The following RSRC1 variants were observed in gnomAD, a reference collection of about 807,000 sequenced individuals.
RSRC1 encodes arginine and serine rich coiled-coil 1.
Under a neutral mutation model 49.1 loss-of-function variants are expected in RSRC1, and 39 were observed. That is an observed-to-expected ratio of 0.79 (90% CI 0.61 to 1.04). The LOEUF (loss-of-function observed/expected upper bound fraction) is 1.04, where lower values mean the gene tolerates loss of function less well. Ranked by LOEUF, RSRC1 falls within the 50% of genes least tolerant of loss-of-function variation. The pLI, the probability that RSRC1 is intolerant of heterozygous loss-of-function variation, is 0.00. For synonymous variants in RSRC1, 143 were observed against 130.8 expected, an observed-to-expected ratio of 1.09 and a Z score of -0.63; for missense variants, 388 against 402.4, an observed-to-expected ratio of 0.96 and a Z score of 0.31.
At chr3:158,420,274 G>A (rs901221095) in intron 6 of RSRC1, among the ~76,000 whole-genome samples, 2 of 151,914 alleles carry the variant, frequency 1.3e-5, no homozygotes, top group Non-Finnish European at 2.9e-5. Flanking sequence ...GTTAAGTGTG[G>A]CACTCTTAAT....
rs75544109 is a variant in RSRC1 at position 158,521,439 on chromosome 3, A to G, written c.653-15653A>G. Among the ~76,000 whole-genome samples, 794 of 152,014 alleles carry G rather than the reference A, an allele frequency of 5.2e-3. 2 individuals carry two copies. Among genetic ancestry groups the G allele is most frequent in the African/African-American group, 0.018 (744 of 41,478 alleles). The stretch of plus-strand genomic sequence containing the variant: ...TAGTTCCTCATCCTCTGGATTTTTC[A>G]TTTGTCCAAGTTTTTCAATGTTGCA... On this transcript the variant is annotated intron_variant, in intron 7 of 9. Transcript: ENST00000611884.
At chr3:158,316,736 G>A (rs1488445609) in intron 5 of RSRC1, among the ~76,000 whole-genome samples, 1 of 152,082 alleles carries the variant, frequency 6.6e-6, no homozygotes, top group Non-Finnish European at 1.5e-5. Flanking sequence ...GAGCCAACGC[G>A]CCCGGCAGAA....
chr3:158,310,927 A>G (rs142753097), intron 5 of RSRC1, among the ~76,000 whole-genome samples: 17 of 151,852 alleles, frequency 1.1e-4, no homozygotes, highest in South Asian at 4.1e-4. Context: ...CATTCACTCA[A>G]TCACCTTTGT....
intron 6 of RSRC1, among the ~76,000 whole-genome samples, chr3:158,449,288 G>T (rs1392650631): frequency 4.0e-5 from 6 of 151,892 alleles, no homozygotes; most frequent in Admixed American, 3.9e-4. Flanking sequence ...TAGAATCTGA[G>T]TTAGGGAAGA....
rs199560844 is a variant in RSRC1, at chr3:158,299,365, G to A, written c.531+1290G>A. ...ATTTGTTTTTTTGAGATGGAGCCTC[G>A]CTCTTTCTCCCAGATTAGTGTGCAG... is the stretch of plus-strand genomic sequence containing the variant. On this transcript the variant is annotated intron_variant, in intron 5 of 9. Transcript: ENST00000611884. Among the ~76,000 whole-genome samples, 21 of 151,620 alleles carry A rather than the reference G, an allele frequency of 1.4e-4. No individual in the cohort carries two copies. In the East Asian group the frequency reaches 3.9e-3, roughly 28 times the overall value.
intron 5 of RSRC1, among the ~76,000 whole-genome samples, chr3:158,326,616 G>A (rs1729166635): frequency 6.6e-6 from 1 of 152,090 alleles, no homozygotes; most frequent in Non-Finnish European, 1.5e-5. Flanking sequence ...TTGATGTGCT[G>A]CTGGATTTGG....
At chr3:158,355,993 A>G (rs909285504) in intron 6 of RSRC1, among the ~76,000 whole-genome samples, 1 of 151,904 alleles carries the variant, frequency 6.6e-6, no homozygotes, top group Non-Finnish European at 1.5e-5. Context: ...TAAGAGATTA[A>G]TAATGATAAT....
At chr3:158,458,172 G>A (rs918893155) in intron 6 of RSRC1, among the ~76,000 whole-genome samples, 2 of 151,974 alleles carry the variant, frequency 1.3e-5, no homozygotes, top group African/African-American at 4.8e-5. Flanking sequence ...GTAAGTTGTA[G>A]GAAATGAAAA....
chr3:158,256,654 A>C (rs7618071), intron 4 of RSRC1, among the ~76,000 whole-genome samples: 105,051 of 151,878 alleles, frequency 0.69, 36,730 homozygotes, highest in East Asian at 0.84. Flanking sequence ...GGTACCAGCT[A>C]CTCTTTGTAC....
chr3:158,143,189 C>T (rs1716860187), intron 3 of RSRC1, among the ~76,000 whole-genome samples: 1 of 152,054 alleles, frequency 6.6e-6, no homozygotes, highest in Non-Finnish European at 1.5e-5. Context: ...TTCTAAAATC[C>T]TGGTTGATTG....
chr3:158,495,793 T>C (rs1436741624), intron 7 of RSRC1, among the ~76,000 whole-genome samples: 1 of 152,246 alleles, frequency 6.6e-6, no homozygotes, highest in Non-Finnish European at 1.5e-5. Flanking sequence ...GTTTACATAT[T>C]GTCAATGGCT....
At chr3:158,136,036 G>T (rs1041466906) in intron 3 of RSRC1, among the ~76,000 whole-genome samples, 1 of 152,142 alleles carries the variant, frequency 6.6e-6, no homozygotes, top group Non-Finnish European at 1.5e-5. Context: ...CATTTTCAAC[G>T]TATAGATTGA....
intron 6 of RSRC1, among the ~76,000 whole-genome samples, chr3:158,446,215 TA>T (rs35158524): frequency 3.9e-5 from 6 of 152,088 alleles, no homozygotes; most frequent in African/African-American, 1.4e-4. Flanking sequence ...CATAGCCTAA[TA>T]AAATAACTAA....
chr3:158,205,974 C>T (rs1279516127), intron 4 of RSRC1, among the ~76,000 whole-genome samples: 1 of 152,146 alleles, frequency 6.6e-6, no homozygotes, highest in Non-Finnish European at 1.5e-5. Context: ...CTTTCTGGAT[C>T]ATTTGGTCTC....
At chr3:158,446,199 C>A (rs953857454) in intron 6 of RSRC1, among the ~76,000 whole-genome samples, 1 of 152,024 alleles carries the variant, frequency 6.6e-6, no homozygotes, top group Non-Finnish European at 1.5e-5. Flanking sequence ...GGCAGATTTT[C>A]ACTCTCATAG....
At chr3:158,352,249 G>C (rs1242119121) in intron 5 of RSRC1, among the ~76,000 whole-genome samples, 1 of 152,010 alleles carries the variant, frequency 6.6e-6, no homozygotes, top group Non-Finnish European at 1.5e-5. Flanking sequence ...GTTAGCCTAG[G>C]CAACAGAGTG....
chr3:158,158,931 T>A (rs1214616601), intron 3 of RSRC1, among the ~76,000 whole-genome samples: 4 of 119,988 alleles, frequency 3.3e-5, no homozygotes, highest in Non-Finnish European at 5.1e-5. Context: ...AGAGTGAGAC[T>A]CTGTCTCAAA....
chr3:158,149,402 A>G (rs536850677), intron 3 of RSRC1, among the ~76,000 whole-genome samples: 11 of 152,286 alleles, frequency 7.2e-5, no homozygotes, highest in African/African-American at 2.4e-4. Context: ...TGCCTGCCTT[A>G]AGATCAGGTA....
At chr3:158,465,553 C>T (rs1490710116) in intron 7 of RSRC1, among the ~76,000 whole-genome samples, 1 of 152,126 alleles carries the variant, frequency 6.6e-6, no homozygotes, top group African/African-American at 2.4e-5. Context: ...ACTATTTATT[C>T]AGTTTGCATG....
Sources: allele counts gnomAD v4.1 joint callset (sites outside exome capture counted in the v4.1 genomes callset), GRCh38; gene constraint gnomAD v4.1.1; transcripts MANE v1.5; gene names NCBI Gene and HGNC (gene_info 2026-07-23, HGNC 2026-07-21).